Variants in WDR7 observed in about 807,000 individuals in gnomAD.
WDR7 encodes WD repeat-containing protein 7.
WDR7 carries 46 observed loss-of-function variants against 169.4 expected under a neutral mutation model. That is an observed-to-expected ratio of 0.27 (90% CI 0.21 to 0.35). The LOEUF is 0.35. Among genes scored for constraint, WDR7 ranks in the 10% least tolerant of loss-of-function variants. The pLI is 1.00. For synonymous variants in WDR7, 612 were observed against 666.8 expected (o/e 0.92, Z 1.27); for missense variants, 1,534 against 1,859.3 (o/e 0.83, Z 3.22).
At chr18:57,016,886 T>A (rs2048214099) in intron 26 of WDR7, among the ~76,000 whole-genome samples, 1 of 152,250 alleles carries the variant, frequency 6.6e-6, no homozygotes. Context: ...TATATTCCAT[T>A]TCTGTCTTTT....
chr18:56,673,965 C>T (rs962065675), intron 2 of WDR7, among the ~76,000 whole-genome samples: 3 of 152,098 alleles, frequency 2.0e-5, no homozygotes, highest in South Asian at 2.1e-4. Flanking sequence ...TTATGACTGG[C>T]TTTTATCATG....
intron 25 of WDR7, among the ~76,000 whole-genome samples, chr18:56,954,305 TG>T (rs1393603375): frequency 6.6e-6 from 1 of 152,212 alleles, no homozygotes; most frequent in Non-Finnish European, 1.5e-5. Context: ...CATTCACTTG[TG>T]TCCTCTAAAT....
At chr18:56,657,562 G>C (rs1217044213) in intron 1 of WDR7, among the ~76,000 whole-genome samples, 2 of 152,178 alleles carry the variant, frequency 1.3e-5, no homozygotes, top group Admixed American at 6.5e-5. Context: ...ATTGATCATA[G>C]GCAAAATCAG....
At chr18:56,796,255 G>A (rs1235628076) in intron 19 of WDR7, among the ~76,000 whole-genome samples, 2 of 152,250 alleles carry the variant, frequency 1.3e-5, no homozygotes, top group Non-Finnish European at 2.9e-5. Flanking sequence ...GTTTCACTGT[G>A]AGGATATCTT....
intron 25 of WDR7, among the ~76,000 whole-genome samples, chr18:56,961,323 T>TC (rs1217714490): frequency 6.6e-6 from 1 of 152,076 alleles, no homozygotes; most frequent in Admixed American, 6.6e-5. Context: ...GATTTTTTTT[T>TC]CTGTCATGTT....
the WDR7 span, chr18:57,035,137 C>CACATGCT: frequency 2.6e-5 from 4 of 151,912 alleles, no homozygotes; most frequent in Admixed American, 2.6e-4. Flanking sequence ...CTACACATGC[C>CACATGCT]CCCCACTGGA....
At chr18:56,932,572 T>G (rs2046901204) in intron 22 of WDR7, among the ~76,000 whole-genome samples, 1 of 152,190 alleles carries the variant, frequency 6.6e-6, no homozygotes, top group South Asian at 2.1e-4. Flanking sequence ...TCACTTTGCT[T>G]TTTTTTATGA....
chr18:56,907,608 G>T (rs1304682306), intron 21 of WDR7, among the ~76,000 whole-genome samples: 1 of 152,072 alleles, frequency 6.6e-6, no homozygotes, highest in Non-Finnish European at 1.5e-5. Context: ...AGTCTACTTG[G>T]GCTGCTATAA....
intron 1 of WDR7, among the ~76,000 whole-genome samples, chr18:56,663,164 T>A (rs2024940748): frequency 6.6e-6 from 1 of 152,240 alleles, no homozygotes. Flanking sequence ...CTTGCTCTTA[T>A]GACCACATTT....
At chr18:56,904,130 C>T (rs1055893784) in intron 21 of WDR7, among the ~76,000 whole-genome samples, 7 of 150,938 alleles carry the variant, frequency 4.6e-5, no homozygotes, top group East Asian at 2.0e-4. Flanking sequence ...AGTGCAGTGG[C>T]GCGATCTCAG....
intron 20 of WDR7, among the ~76,000 whole-genome samples, chr18:56,877,197 T>G (rs2046034962): frequency 6.6e-6 from 1 of 152,114 alleles, no homozygotes; most frequent in African/African-American, 2.4e-5. Flanking sequence ...CTGTAAATAA[T>G]TCCATACCAA....
chr18:56,921,672 G>C (rs1382071472), intron 21 of WDR7, among the ~76,000 whole-genome samples: 1 of 152,128 alleles, frequency 6.6e-6, no homozygotes, highest in Non-Finnish European at 1.5e-5. Flanking sequence ...TTTGAAAGGA[G>C]GTAGAAAAGG....
chr18:56,783,438 A>C (rs930485548), intron 19 of WDR7, among the ~76,000 whole-genome samples: 4 of 152,174 alleles, frequency 2.6e-5, no homozygotes, highest in African/African-American at 7.2e-5. Context: ...TAAGATCCCC[A>C]AAATTAAGGA....
chr18:56,709,896 A>T (rs971836126), intron 12 of WDR7, among the ~76,000 whole-genome samples: 2 of 151,944 alleles, frequency 1.3e-5, no homozygotes, highest in South Asian at 4.1e-4. Flanking sequence ...ACCTTGATTA[A>T]TGTATACCCA....
At chr18:56,835,016 G>T (rs2045374323) in intron 20 of WDR7, among the ~76,000 whole-genome samples, 1 of 152,090 alleles carries the variant, frequency 6.6e-6, no homozygotes, top group Non-Finnish European at 1.5e-5. Context: ...GCAGCACAAG[G>T]GTAGGGATCT....
chr18:56,725,847 G>C (rs2026437994), intron 13 of WDR7, among the ~76,000 whole-genome samples: 1 of 152,078 alleles, frequency 6.6e-6, no homozygotes, highest in South Asian at 2.1e-4. Context: ...TATAAGGAAG[G>C]GATCCAGTTT....
At chr18:57,032,634 T>C (rs184733239), downstream of WDR7, 4 of 152,068 alleles carry the variant, frequency 2.6e-5, no homozygotes, top group Non-Finnish European at 5.9e-5. Context: ...GTGAATCCTA[T>C]TGTGAACTGA....
chr18:56,779,562 T>C lies in WDR7; in HGVS notation c.3066+13T>C, dbSNP rs1362445537. ...TCGATGCTTGGAGGTAATGCTAAAG[T>C]GATAAGGATAGAAAACAAAAATATT... is the stretch of plus-strand genomic sequence containing the variant. On this transcript the variant is annotated intron_variant, in intron 18 of 27. Coordinates refer to ENST00000254442, the MANE Select transcript of WDR7 (RefSeq NM_015285.3). The C allele has an allele frequency of 6.2e-7, 1 of 1,601,062 alleles. No individual in the cohort carries two copies. Among genetic ancestry groups the C allele is most frequent in the East Asian group, 2.2e-5 (1 of 44,766 alleles).
intron 20 of WDR7, among the ~76,000 whole-genome samples, chr18:56,825,902 A>G (rs778006493): frequency 2.6e-5 from 4 of 152,234 alleles, no homozygotes; most frequent in Non-Finnish European, 4.4e-5. Context: ...AACCACACAC[A>G]TAAATACACC....
Sources: gnomAD v4.1 joint callset for allele counts (sites outside exome capture counted in the v4.1 genomes callset) on GRCh38, gnomAD v4.1.1 for gene constraint, MANE v1.5 for transcripts, NCBI Gene and HGNC (gene_info 2026-07-23, HGNC 2026-07-21) for gene names.